Variants in CLCN7 observed in about 807,000 individuals in gnomAD.
CLCN7 encodes the protein H(+)/Cl(-) exchange transporter 7.
CLCN7 carries 60 observed loss-of-function variants against 102.1 expected under a neutral mutation model. That is an observed-to-expected ratio of 0.59 (90% CI 0.48 to 0.73). CLCN7 has a LOEUF of 0.73. Among genes scored for constraint, CLCN7 ranks in the 30% least tolerant of loss-of-function variants. CLCN7 has a pLI of 0.00. For missense variants in CLCN7, 962 were observed against 1,125.7 expected, an observed-to-expected ratio of 0.85 and a Z score of 2.08; for synonymous variants, 560 against 490.5, an observed-to-expected ratio of 1.14 and a Z score of -1.87.
intron 2 of CLCN7, among the ~76,000 whole-genome samples, chr16:1,464,623 A>C (rs1444637500): frequency 6.6e-6 from 1 of 152,232 alleles, no homozygotes; most frequent in Non-Finnish European, 1.5e-5. Flanking sequence ...GAGATGCCTC[A>C]GCCTCTGACG....
At position 1,474,949 on chromosome 16, in the gene CLCN7, G is replaced by C; in HGVS notation, c.26C>G (p.Ser9Cys). Residue 9 changes from serine to cysteine, a missense_variant, in exon 1 of 25, where the codon TCC becomes TGC. Around this residue, in one of 2 missense-constraint regions of CLCN7, gnomAD observed 163 missense variants for 137.7 expected, o/e 1.18. Coordinates refer to ENST00000382745, the MANE Select transcript of CLCN7 (RefSeq NM_001287.6). Reference sequence around the variant, plus strand: ...GTCGTCCCGGTCCCGGCCGGACCAGGACACCTTCTTAGAGACGTTGGCCAT... The same window carrying C: ...GTCGTCCCGGTCCCGGCCGGACCAGCACACCTTCTTAGAGACGTTGGCCAT... MANVSKKV[S>C]WSGRDRDDEE... is the part of the protein sequence containing the mutation. The C allele has an allele frequency of 6.7e-7, 1 of 1,493,396 alleles. No homozygotes were observed. The highest frequency in any genetic ancestry group is 1.2e-5 in the South Asian group (1 of 80,056). The allele number at this position is 1,493,396 out of a possible 1,614,324, so 92.5% of individuals were successfully genotyped here.
Position 1,457,879 on chromosome 16 carries a change from G to GA in CLCN7, c.676-124_676-123insT. On this transcript the variant is annotated intron_variant, in intron 7 of 24. Transcript: ENST00000382745. The surrounding 1 kb of genome is among the most constrained non-coding windows in gnomAD (Gnocchi z 5.4). ...TGGCTGGGACACGGGGCCTCCGGGA[G>GA]GGGGCCAGCACCCCCAGGCTGGGTC... 3.2e-6 allele frequency: 3 copies of GA among 944,126 alleles called. No individual in the cohort carries two copies. Among genetic ancestry groups the GA allele is most frequent in the Non-Finnish European group, 5.0e-6 (3 of 598,348 alleles). The allele number at this position is 944,126 out of a possible 1,614,324, so 58.5% of individuals were successfully genotyped here.
intron 13 of CLCN7, 113 bp downstream of exon 13, chr16:1,454,298 T>C: frequency 1.8e-6 from 2 of 1,126,704 alleles, no homozygotes; most frequent in South Asian, 1.3e-5. Flanking sequence ...CGGGTGGCCC[T>C]GGGATGAGGG....
At position 1,448,509 on chromosome 16, in the gene CLCN7, T is replaced by C. The variant is rs35308339; in HGVS notation, c.1884-25A>G. ...CCTGCCGGAGGAGCCCGGCCACACA[T>C]GCCCGTCACACGCCACCAACTCCCA... On this transcript the variant is annotated intron_variant, in intron 20 of 24. Transcript: ENST00000382745. The C allele has an allele frequency of 0.1, 162,960 of 1,605,920 alleles. 9,631 individuals are homozygous for C. The highest frequency in any genetic ancestry group is 0.22 in the African/African-American group (16,212 of 74,944).
At chr16:1,456,261 G>C (rs1171009185) in intron 9 of CLCN7, 55 bp from the exon 10 acceptor site, 9 of 1,309,020 alleles carry the variant, frequency 6.9e-6, no homozygotes, top group Middle Eastern at 1.8e-4. Context: ...ACGGCTCTCA[G>C]AAAGGGAGAG....
Position 1,460,422 on chromosome 16 carries a change from A to G in CLCN7, c.590T>C (p.Ile197Thr), listed in dbSNP as rs1252471692. ...CTGCGGCATCCTGCCACCCACCTCT[A>G]TGAAAGCCACAATCACAGAGCCCAC... ...VLVGSVIVAF[I>T]EPVAAGSGIP... Residue 197 changes from isoleucine to threonine, a missense_variant, in exon 6 of 25, where the codon ATA (isoleucine) becomes ACA (threonine). This residue lies in a region of CLCN7 where 799 missense variants were observed against 988.0 expected (regional missense o/e 0.81). Transcript: ENST00000382745. 25 of 1,611,696 alleles carry G rather than the reference A, an allele frequency of 1.6e-5. No individual in the cohort carries two copies. Among genetic ancestry groups the G allele is most frequent in the Non-Finnish European group, 2.1e-5 (25 of 1,178,278 alleles).
At chr16:1,467,360 C>A (rs1351445031) in intron 1 of CLCN7, among the ~76,000 whole-genome samples, 2 of 152,220 alleles carry the variant, frequency 1.3e-5, no homozygotes, top group Non-Finnish European at 2.9e-5. Flanking sequence ...GTGGCTCTCC[C>A]TGAGCCCTCA....
At chr16:1,460,625 G>C in intron 5 of CLCN7, 98 bp from the exon 6 acceptor site, 2 of 1,267,732 alleles carry the variant, frequency 1.6e-6, no homozygotes, top group South Asian at 2.5e-5. Flanking sequence ...ATGCCACCCT[G>C]CTGGGTGGAG....
rs1344578384 is a variant in CLCN7 at position 1,447,721 on chromosome 16, G to GACAGGCCCGCGGTCAGGGCC, written c.2014-27_2014-8dup. 55 of 1,551,152 alleles carry GACAGGCCCGCGGTCAGGGCC rather than the reference G, an allele frequency of 3.5e-5. No individual in the cohort carries two copies. In the Admixed American group the frequency reaches 8.0e-4, roughly 23 times the overall value. ...GGCCCTGGAGCCGGGCAGGCTGCAAGACAGGCCCGCGGTCAGGGCCACGGG... is the reference window on the plus strand; with the variant it reads ...GGCCCTGGAGCCGGGCAGGCTGCAAGACAGGCCCGCGGTCAGGGCCACAGGCCCGCGGTCAGGGCCACGGG... On this transcript the variant is annotated splice_region_variant and splice_polypyrimidine_tract_variant and intron_variant, in intron 21 of 24. Transcript: ENST00000382745.
chr16:1,453,536 C>T (rs996614242), intron 14 of CLCN7, among the ~76,000 whole-genome samples: 12 of 152,202 alleles, frequency 7.9e-5, no homozygotes, highest in East Asian at 3.9e-4. Context: ...CAGAGCCAGG[C>T]GGTGAAGGTT....
rs762729630 is a variant in CLCN7 at position 1,474,839 on chromosome 16, G to A, written c.136C>T (p.Arg46Cys). ...LLNGAGPGAARQSPRSALFRV... is the reference protein window; with the variant it reads ...LLNGAGPGAACQSPRSALFRV... The stretch of plus-strand genomic sequence containing the variant: ...TGCGCCCTGCCCGGCCTCACCTGGC[G>A]CGCAGCCCCAGGCCCAGCCCCGTTC... Residue 46 changes from arginine to cysteine, a missense_variant, in exon 1 of 25, where the codon CGC (arginine) becomes TGC (cysteine). By Grantham distance (180) the Arg-to-Cys change is radical (BLOSUM62 -3). This residue lies in a region of CLCN7 where 163 missense variants were observed against 137.7 expected (regional missense o/e 1.18). Coordinates refer to ENST00000382745, the MANE Select transcript of CLCN7 (RefSeq NM_001287.6). The A allele has an allele frequency of 3.7e-6, 5 of 1,360,698 alleles. No homozygotes were observed. The Admixed American group carries it at 1.2e-4, about 33-fold the overall frequency. 84.3% of individuals were successfully genotyped at this position (1,360,698 alleles called of 1,614,324 possible).
chr16:1,470,846 C>G (rs1454184821), intron 1 of CLCN7, among the ~76,000 whole-genome samples: 1 of 152,208 alleles, frequency 6.6e-6, no homozygotes, highest in African/African-American at 2.4e-5. Context: ...TAACCCAGAC[C>G]CCTGCCCTGC....
intron 1 of CLCN7, among the ~76,000 whole-genome samples, chr16:1,469,695 CAAAAAT>C (rs1479226319): frequency 3.3e-5 from 5 of 152,226 alleles, no homozygotes; most frequent in African/African-American, 9.6e-5. Context: ...AAAACAAAAA[CAAAAAT>C]AAACAAAAAA....
chr16:1,449,690 C>A (rs1321728400), intron 17 of CLCN7: 1 of 399,092 alleles, frequency 2.5e-6, no homozygotes, highest in Non-Finnish European at 4.6e-6. Flanking sequence ...CCACAGAACC[C>A]AGGCATGGAG....
intron 1 of CLCN7, among the ~76,000 whole-genome samples, chr16:1,467,997 C>T (rs1174985662): frequency 6.6e-6 from 1 of 152,136 alleles, no homozygotes; most frequent in Non-Finnish European, 1.5e-5. Flanking sequence ...GCAAGAGGAT[C>T]GCTTGAGCCT....
rs879217202 is a variant in CLCN7 at position 1,447,606 on chromosome 16, G to GC, written c.2074-39dup. The GC allele has an allele frequency of 9.0e-6, 14 of 1,551,530 alleles. No individual in the cohort carries two copies. In the South Asian group the frequency reaches 1.5e-4, roughly 17 times the overall value. On this transcript the variant is annotated intron_variant, in intron 22 of 24. Coordinates refer to ENST00000382745, the MANE Select transcript of CLCN7 (RefSeq NM_001287.6). ...GAGCCCTGTGTCAGGCACCCAGGCA[G>GC]CACCCCCGGGGCCCCCACCCGCCCA...
At chr16:1,449,659 C>T in intron 17 of CLCN7, 1 of 383,332 alleles carries the variant, frequency 2.6e-6, no homozygotes, top group Non-Finnish European at 4.8e-6. Context: ...ACACAGAGAG[C>T]CCCGGGAACA....
chr16:1,446,919 C>T (rs1031457010), intron 24 of CLCN7, 87 bp downstream of exon 24: 1 of 1,307,088 alleles, frequency 7.7e-7, no homozygotes, highest in Non-Finnish European at 1.1e-6. Flanking sequence ...GCTTCCGTGT[C>T]CCCTGCCGGG....
rs1466958599 is a variant in CLCN7, at chr16:1,474,992, C to T, written c.-18G>A. 18 of 1,454,128 alleles carry T rather than the reference C, an allele frequency of 1.2e-5. No individual in the cohort carries two copies. Among genetic ancestry groups the T allele is most frequent in the Non-Finnish European group, 1.6e-5 (18 of 1,102,810 alleles). 90.1% of individuals were successfully genotyped at this position (1,454,128 alleles called of 1,614,324 possible). On this transcript the variant is annotated 5_prime_UTR_variant, in exon 1 of 25. Coordinates refer to ENST00000382745, the MANE Select transcript of CLCN7 (RefSeq NM_001287.6). ...TTGGCCATGGCCCGCCGCGGAGCGA[C>T]ACCGGCCGGGAAGCGCCGGCTGCCC... is the stretch of plus-strand genomic sequence containing the variant.
Sources: gnomAD v4.1 joint callset for allele counts (sites outside exome capture counted in the v4.1 genomes callset) on GRCh38, gnomAD v4.1.1 for gene constraint, gnomAD v4.1.1 regional missense constraint, Gnocchi (gnomAD v3.1) non-coding constraint, MANE v1.5 for transcripts, NCBI Gene and HGNC (gene_info 2026-07-23, HGNC 2026-07-21) for gene names.